EML1: variants seen among roughly 807,000 people sequenced by gnomAD.
The protein encoded by EML1 is echinoderm microtubule-associated protein-like 1.
Under a neutral mutation model 110.4 loss-of-function variants are expected in EML1, and 27 were observed. The ratio of observed to expected loss-of-function variants is 0.24; its 90% confidence interval spans 0.18 to 0.34. EML1 has a LOEUF of 0.34. EML1 is among the 10% of genes least tolerant of loss of function. EML1 has a pLI of 1.00. For missense variants in EML1, 741 were observed against 1,030.9 expected, an observed-to-expected ratio of 0.72 and a Z score of 3.85; for synonymous variants, 344 against 385.8, an observed-to-expected ratio of 0.89 and a Z score of 1.27.
chr14:99,876,987 C>A (rs2059303475), intron 3 of EML1, among the ~76,000 whole-genome samples: 1 of 152,156 alleles, frequency 6.6e-6, no homozygotes, highest in African/African-American at 2.4e-5. Flanking sequence ...TAAGTATGTA[C>A]AGAGATACCT....
chr14:99,914,203 C>T lies in EML1; in HGVS notation c.1519C>T (p.Arg507Trp). The T allele has an allele frequency of 1.2e-6, 2 of 1,613,612 alleles. No homozygotes were observed. Among genetic ancestry groups the T allele is most frequent in the Non-Finnish European group, 1.7e-6 (2 of 1,179,598 alleles). ...TEIPEQFGPI[R>W]TVAEGKGDVI... is the part of the protein sequence containing the mutation. ...GATTCCAGAACAGTTTGGTCCAATA[C>T]GGACAGTGGCCGAGGGGAAAGGCGA... is the stretch of plus-strand genomic sequence containing the variant. The change falls in exon 14 of 22, where the codon CGG (arginine) becomes TGG (tryptophan). Residue 507 changes from arginine (R) to tryptophan (W), a missense_variant. Physicochemically the swap from Arg to Trp is moderately radical, Grantham distance 101. Transcript: ENST00000262233.
intron 1 of EML1, among the ~76,000 whole-genome samples, chr14:99,766,630 G>C (rs2057371796): frequency 6.6e-6 from 1 of 152,214 alleles, no homozygotes; most frequent in African/African-American, 2.4e-5. Context: ...CAAATGAACA[G>C]CTCCACCATT....
intron 1 of EML1, among the ~76,000 whole-genome samples, chr14:99,798,679 A>G (rs573525596): frequency 1.4e-4 from 22 of 152,308 alleles, no homozygotes; most frequent in Middle Eastern, 3.4e-3. Context: ...GGCATGAGCC[A>G]CTGTACCTGG....
At chr14:99,880,851 G>T (rs76259450) in intron 4 of EML1, among the ~76,000 whole-genome samples, 13 of 152,302 alleles carry the variant, frequency 8.5e-5, no homozygotes, top group Non-Finnish European at 1.6e-4. Flanking sequence ...AAATTATCCA[G>T]CGTAGGGCTT....
chr14:99,823,059 TCTC>T (rs2058290749), intron 1 of EML1, among the ~76,000 whole-genome samples: 1 of 152,102 alleles, frequency 6.6e-6, no homozygotes, highest in African/African-American at 2.4e-5. Context: ...TACAGAGCCA[TCTC>T]CTCCGGGAAG....
At chr14:99,934,908 C>A (rs2060440439) in intron 17 of EML1, among the ~76,000 whole-genome samples, 1 of 152,252 alleles carries the variant, frequency 6.6e-6, no homozygotes, top group East Asian at 1.9e-4. Context: ...CCATGTGTTT[C>A]CACACAAGCA....
rs2057579744 is a variant in EML1, at chr14:99,784,690, C to A, written c.-27+10677C>A. Among the ~76,000 whole-genome samples the A allele has an allele frequency of 2.0e-5, 3 of 152,224 alleles. No individual in the cohort carries two copies. Among genetic ancestry groups the A allele is most frequent in the Non-Finnish European group, 4.4e-5 (3 of 68,038 alleles). ...TTTATCACACAGTGTTGTTTCTCGGCCAGTGCCTCTCCCCCATTCCAGCCC... is the reference window on the plus strand; with the variant it reads ...TTTATCACACAGTGTTGTTTCTCGGACAGTGCCTCTCCCCCATTCCAGCCC... On this transcript the variant is annotated intron_variant, in intron 1 of 22. Coordinates refer to the EML1 transcript ENST00000327921. The surrounding 1 kb of genome is among the most constrained non-coding windows in gnomAD (Gnocchi z 4.5).
rs562276398 is a variant in EML1, at chr14:99,845,788, C to T, written c.68-5065C>T. Among the ~76,000 whole-genome samples the T allele has an allele frequency of 1.5e-3, 230 of 151,950 alleles. 5 individuals carry two copies. Among genetic ancestry groups the T allele is most frequent in the Non-Finnish European group, 4.3e-4 (29 of 67,944 alleles). On this transcript the variant is annotated intron_variant, in intron 1 of 21. Coordinates refer to ENST00000262233, the MANE Select transcript of EML1 (RefSeq NM_004434.3). ...GAGCCTGGCTGGGCGCTGAGGCTCA[C>T]GCCTGTAATCCCAGCACTTTGGGAA... is the stretch of plus-strand genomic sequence containing the variant.
Position 99,840,891 on chromosome 14 carries a change from T to A in EML1, c.68-9962T>A, listed in dbSNP as rs114184989. 9.8e-3 allele frequency among the ~76,000 whole-genome samples: 1,496 copies of A among 152,288 alleles called. 21 individuals carry two copies. Among genetic ancestry groups the A allele is most frequent in the African/African-American group, 0.033 (1,362 of 41,554 alleles). ...CTGTTTTTTACAGTAAGAGAAAAAG[T>A]AATTAAACTTCAAAGTCAGATCTGT... is the stretch of plus-strand genomic sequence containing the variant. On this transcript the variant is annotated intron_variant, in intron 1 of 21. Coordinates refer to ENST00000262233, the MANE Select transcript of EML1 (RefSeq NM_004434.3).
rs1484953234 is a variant in EML1, at chr14:99,909,735, C to T, written c.1239+256C>T. ...CAGTGGCACTGGCTGCAGAGAGTATCAGAAGATGAAGTCATCGGGAGGCAG... is the reference window on the plus strand; with the variant it reads ...CAGTGGCACTGGCTGCAGAGAGTATTAGAAGATGAAGTCATCGGGAGGCAG... On this transcript the variant is annotated intron_variant, in intron 11 of 21. Transcript: ENST00000262233. Among the ~76,000 whole-genome samples, 5 of 152,308 alleles carry T rather than the reference C, an allele frequency of 3.3e-5. No individual in the cohort carries two copies. The East Asian group carries it at 7.7e-4, about 24-fold the overall frequency.
upstream of EML1, among the ~76,000 whole-genome samples, chr14:99,791,462 C>T (rs542740225): frequency 2.0e-5 from 3 of 152,194 alleles, no homozygotes; most frequent in Non-Finnish European, 1.5e-5. Context: ...AGCCCCTGTC[C>T]GATTTTCTAT....
chr14:99,762,949 C>T (rs1410596975), intron 1 of EML1, among the ~76,000 whole-genome samples: 1 of 152,176 alleles, frequency 6.6e-6, no homozygotes, highest in Non-Finnish European at 1.5e-5. Flanking sequence ...GTGTGATATG[C>T]TTTGGCTGTG....
At chr14:99,751,195 A>G (rs1469875323) in intron 1 of EML1, among the ~76,000 whole-genome samples, 1 of 152,054 alleles carries the variant, frequency 6.6e-6, no homozygotes, top group Non-Finnish European at 1.5e-5. Context: ...AGGAGCTCAC[A>G]GCAGATGGAC....
At chr14:99,845,920 G>T (rs931854576) in intron 1 of EML1, among the ~76,000 whole-genome samples, 1 of 151,724 alleles carries the variant, frequency 6.6e-6, no homozygotes, top group Non-Finnish European at 1.5e-5. Context: ...GTTGGTGGCA[G>T]GTGCCTGTAA....
upstream of EML1, among the ~76,000 whole-genome samples, chr14:99,770,537 G>A (rs2140201164): frequency 6.6e-6 from 1 of 152,028 alleles, no homozygotes; most frequent in Non-Finnish European, 1.5e-5. Flanking sequence ...CATTTCATTA[G>A]CATTTCAACA....
rs79862849 is a variant in EML1 at position 99,879,751 on chromosome 14, C to T, written c.518+1132C>T. Among the ~76,000 whole-genome samples, 427 of 152,216 alleles carry T rather than the reference C, an allele frequency of 2.8e-3. 2 individuals are homozygous for T. The highest frequency in any genetic ancestry group is 4.4e-3 in the Non-Finnish European group (301 of 68,026). On this transcript the variant is annotated intron_variant, in intron 4 of 21. Transcript: ENST00000262233. Reference sequence around the variant, plus strand: ...AGATTATGCTAATGGGGTGATAATACCTTGGAAATGAGGCCAAGTGGTTAC... The same window carrying T: ...AGATTATGCTAATGGGGTGATAATATCTTGGAAATGAGGCCAAGTGGTTAC...
intron 17 of EML1, among the ~76,000 whole-genome samples, chr14:99,927,694 T>G (rs558150430): frequency 5.4e-4 from 81 of 149,626 alleles, no homozygotes; most frequent in Middle Eastern, 3.5e-3. Flanking sequence ...TTCATTCACT[T>G]TATTTTCCAG....
At position 99,940,313 on chromosome 14, in the gene EML1, A is replaced by ATATG. The variant is rs1161668647; in HGVS notation, c.*202_*205dup. ...TCCGTGTTCACTTTTGTTGTACAATATATGACACAGTGCACATTGAATACC... is the reference window on the plus strand; with the variant it reads ...TCCGTGTTCACTTTTGTTGTACAATATATGTATGACACAGTGCACATTGAATACC... On this transcript the variant is annotated 3_prime_UTR_variant, in exon 22 of 22. Coordinates refer to ENST00000262233, the MANE Select transcript of EML1 (RefSeq NM_004434.3). 3 of 584,936 alleles carry ATATG rather than the reference A, an allele frequency of 5.1e-6. No individual in the cohort carries two copies. In the Admixed American group the frequency reaches 1.3e-4, roughly 25 times the overall value. The allele number at this position is 584,936 out of a possible 1,614,324, so 36.2% of individuals were successfully genotyped here.
intron 5 of EML1, among the ~76,000 whole-genome samples, chr14:99,893,880 A>C (rs1595444986): frequency 6.6e-6 from 1 of 152,134 alleles, no homozygotes; most frequent in South Asian, 2.1e-4. Flanking sequence ...GAACACCCCA[A>C]GATGTTCTTT....
Sources: allele counts gnomAD v4.1 joint callset (sites outside exome capture counted in the v4.1 genomes callset), GRCh38; gene constraint gnomAD v4.1.1; non-coding constraint Gnocchi (gnomAD v3.1); transcripts MANE v1.5; gene names NCBI Gene and HGNC (gene_info 2026-07-23, HGNC 2026-07-21).